ADAMTS13: variants seen among roughly 807,000 people sequenced by gnomAD.
ADAMTS13 encodes ADAM metallopeptidase with thrombospondin type 1 motif 13, also known as A disintegrin and metalloproteinase with thrombospondin motifs 13.
In ADAMTS13, 110 loss-of-function variants were observed where a neutral mutation model predicts 155.1. That is an observed-to-expected ratio of 0.71 (90% CI 0.61 to 0.83). ADAMTS13 has a LOEUF of 0.83. Ranked by LOEUF, ADAMTS13 falls within the 40% of genes least tolerant of loss-of-function variation. The probability of loss-of-function intolerance (pLI) is 0.00; values close to 1 mark genes in which losing one functional copy is unlikely to be tolerated. For synonymous variants in ADAMTS13, 758 were observed against 756.4 expected, an observed-to-expected ratio of 1.00 and a Z score of -0.03; for missense variants, 1,707 against 1,891.7, an observed-to-expected ratio of 0.90 and a Z score of 1.81.
In ADAMTS13 at chr9:133,456,551, T is replaced by A. The variant is rs782655118; in HGVS notation, c.3556T>A (p.Leu1186Met). Residue 1186 changes from leucine to methionine, a missense_variant, in exon 27 of 29, where the codon TTG (leucine) becomes ATG (methionine). Physicochemically the swap from Leu to Met is conservative, Grantham distance 15. This residue lies in a region of ADAMTS13 where 961 missense variants were observed against 1,107.9 expected (regional missense o/e 0.87). Transcript: ENST00000355699. The surrounding 1 kb of genome is among the most constrained non-coding windows in gnomAD (Gnocchi z 4.4). The part of the protein sequence containing the change: ...SSLNCSAGDM[L>M]LLWGRLTWRK... ...GCCCTGCCGCTTCCTAGGGGACATG[T>A]TGCTGCTTTGGGGCCGGCTCACCTG... is the stretch of plus-strand genomic sequence containing the variant. 7 of 1,613,416 alleles carry A rather than the reference T, an allele frequency of 4.3e-6. No individual in the cohort carries two copies. The South Asian group carries it at 7.7e-5, about 18-fold the overall frequency.
Position 133,444,335 on chromosome 9 carries a change from G to A in ADAMTS13, c.2421-528G>A, listed in dbSNP as rs1841910238. 2.0e-5 allele frequency among the ~76,000 whole-genome samples: 3 copies of A among 152,030 alleles called. No individual in the cohort carries two copies. The South Asian group carries it at 6.2e-4, about 32-fold the overall frequency. On this transcript the variant is annotated intron_variant, in intron 19 of 28. Coordinates refer to ENST00000355699, the MANE Select transcript of ADAMTS13 (RefSeq NM_139027.6). ...GGAGGTCGGCCTCTGCCTCTGGAGA[G>A]TAGGAGGGATGGGTTCTCTTTTTTT...
At position 133,454,650 on chromosome 9, in the gene ADAMTS13, G is replaced by C. The variant is rs782163987; in HGVS notation, c.3249+31G>C. 36 of 1,567,154 alleles carry C rather than the reference G, an allele frequency of 2.3e-5. No individual in the cohort carries two copies. The African/African-American group carries it at 4.2e-4, about 18-fold the overall frequency. ...CACAGCGGGCACTCGGAATCCCTATGGGGCTGGGGTGGGCATCAGCTGTGG... is the reference window on the plus strand; with the variant it reads ...CACAGCGGGCACTCGGAATCCCTATCGGGCTGGGGTGGGCATCAGCTGTGG... On this transcript the variant is annotated intron_variant, in intron 24 of 28. Coordinates refer to ENST00000355699, the MANE Select transcript of ADAMTS13 (RefSeq NM_139027.6).
Position 133,422,482 on chromosome 9 carries a change from CTGTG to C in ADAMTS13, c.42_45del (p.Cys14TrpfsTer36), listed in dbSNP as rs781957622. 6.2e-7 allele frequency: 1 copy of C among 1,614,126 alleles called. No homozygotes were observed. Among genetic ancestry groups the C allele is most frequent in the Non-Finnish European group, 8.5e-7 (1 of 1,180,022 alleles). ...ACCCCCGGGCAAGATGCCCTCCCCT[CTGTG>C]TGGCCGGAATCCTTGCCTGTGGCTT... On this transcript the variant is annotated frameshift_variant, in exon 1 of 29. Transcript: ENST00000355699. LOFTEE classifies it high-confidence loss of function.
At chr9:133,414,449 A>T in exon 1 of ADAMTS13, 2 of 698,392 alleles carry the variant, frequency 2.9e-6, no homozygotes, top group South Asian at 3.0e-5. Flanking sequence ...CACCCACTAA[A>T]TGCTGAGCTC....
chr9:133,418,383 C>T (rs777025856), upstream of ADAMTS13, among the ~76,000 whole-genome samples: 2 of 152,234 alleles, frequency 1.3e-5, no homozygotes. Context: ...GCTCCTTGCT[C>T]AGCCTCACAG....
upstream of ADAMTS13, among the ~76,000 whole-genome samples, chr9:133,421,081 C>A (rs895833562): frequency 4.6e-5 from 7 of 152,184 alleles, no homozygotes; most frequent in Non-Finnish European, 8.8e-5. Context: ...GCTTGGCCAA[C>A]ATGGCGAAAC....
intron 8 of ADAMTS13, among the ~76,000 whole-genome samples, chr9:133,431,006 C>T (rs1427837109): frequency 2.0e-5 from 3 of 152,028 alleles, no homozygotes; most frequent in Non-Finnish European, 4.4e-5. Context: ...CGTTCTGTTG[C>T]CCAGGGTGGA....
chr9:133,424,516 C>G lies in ADAMTS13; in HGVS notation c.330+38C>G, dbSNP rs1554784700. 2 of 1,589,774 alleles carry G rather than the reference C, an allele frequency of 1.3e-6. No individual in the cohort carries two copies. Among genetic ancestry groups the G allele is most frequent in the Middle Eastern group, 1.7e-4 (1 of 5,878 alleles). On this transcript the variant is annotated intron_variant, in intron 3 of 28. Coordinates refer to ENST00000355699, the MANE Select transcript of ADAMTS13 (RefSeq NM_139027.6). The surrounding 1 kb of genome is among the most constrained non-coding windows in gnomAD (Gnocchi z 4.3). ...CGCTGGACTGTGCAGGTCCCCACGG[C>G]CAGGGCTGGTGACCAATGTCTGTGG...
In ADAMTS13 at chr9:133,433,435, C is replaced by T. The variant is rs587613745; in HGVS notation, c.1150C>T (p.His384Tyr). 7 of 1,613,430 alleles carry T rather than the reference C, an allele frequency of 4.3e-6. No individual in the cohort carries two copies. The African/African-American group carries it at 6.7e-5, about 15-fold the overall frequency. ...LVELTPIAAV[H>Y]GRWSSWGPRS... Reference sequence around the variant, plus strand: ...GGAGCTGACCCCCATAGCAGCAGTGCATGGGCGCTGGTCTAGCTGGGGTCC... The same window carrying T: ...GGAGCTGACCCCCATAGCAGCAGTGTATGGGCGCTGGTCTAGCTGGGGTCC... The change falls in exon 10 of 29, where the codon CAT (histidine) becomes TAT (tyrosine). Residue 384 changes from histidine to tyrosine, a missense_variant. By Grantham distance (83) the His-to-Tyr change is moderately conservative. Around this residue, in one of 3 missense-constraint regions of ADAMTS13, gnomAD observed 733 missense variants for 749.6 expected, o/e 0.98. Coordinates refer to ENST00000355699, the MANE Select transcript of ADAMTS13 (RefSeq NM_139027.6).
intron 22 of ADAMTS13, 124 bp from the exon 23 acceptor site, chr9:133,449,659 A>C: frequency 2.7e-6 from 3 of 1,118,700 alleles, no homozygotes; most frequent in Admixed American, 4.0e-5. Flanking sequence ...CAGAAAGAGA[A>C]CCTCTCCGGG....
rs987656538 is a variant in ADAMTS13, at chr9:133,454,465, C to T, written c.3095C>T (p.Thr1032Ile). ...GPCSASCGLG[T>I]ARRSVACVQL... Reference sequence around the variant, plus strand: ...TGTTCGGCCAGCTGTGGCCTTGGCACTGCTAGACGCTCGGTGGCCTGTGTG... The same window carrying T: ...TGTTCGGCCAGCTGTGGCCTTGGCATTGCTAGACGCTCGGTGGCCTGTGTG... Residue 1032 changes from threonine (T) to isoleucine (I), a missense_variant, in exon 24 of 29, where the codon ACT (threonine) becomes ATT (isoleucine). This residue lies in a region of ADAMTS13 where 961 missense variants were observed against 1,107.9 expected (regional missense o/e 0.87). Coordinates refer to ENST00000355699, the MANE Select transcript of ADAMTS13 (RefSeq NM_139027.6). 7.4e-6 allele frequency: 12 copies of T among 1,613,526 alleles called. No homozygotes were observed. Among genetic ancestry groups the T allele is most frequent in the Non-Finnish European group, 1.0e-5 (12 of 1,180,042 alleles).
At position 133,443,360 on chromosome 9, in the gene ADAMTS13, C is replaced by A; in HGVS notation, c.2235-16C>A. On this transcript the variant is annotated splice_polypyrimidine_tract_variant and intron_variant, in intron 18 of 28. Coordinates refer to ENST00000355699, the MANE Select transcript of ADAMTS13 (RefSeq NM_139027.6). ...GGGACCTGGCCAGGGTCCCGACGCTCTGTCTCCTTCCTCAGCTGGGCGGTG... is the reference window on the plus strand; with the variant it reads ...GGGACCTGGCCAGGGTCCCGACGCTATGTCTCCTTCCTCAGCTGGGCGGTG... 1.3e-6 allele frequency: 2 copies of A among 1,589,218 alleles called. No homozygotes were observed. Among genetic ancestry groups the A allele is most frequent in the East Asian group, 2.3e-5 (1 of 44,262 alleles).
At chr9:133,448,993 A>C (rs943108285) in intron 22 of ADAMTS13, among the ~76,000 whole-genome samples, 3 of 152,178 alleles carry the variant, frequency 2.0e-5, no homozygotes, top group Non-Finnish European at 4.4e-5. Flanking sequence ...CTAGGTCTGC[A>C]TCCTGGCTCT....
At chr9:133,433,780 G>C in intron 11 of ADAMTS13, 76 bp downstream of exon 11, 1 of 1,539,400 alleles carries the variant, frequency 6.5e-7, no homozygotes, top group Non-Finnish European at 8.9e-7. Context: ...ACCATCTGTG[G>C]TTCACACCAG....
At position 133,445,966 on chromosome 9, in the gene ADAMTS13, A is replaced by C; in HGVS notation, c.2731+147A>C. ...ACACGTGGTAATACACAAGGAGACTAAGCATAGTAGCTGACAGCCACTTCA... is the reference window on the plus strand; with the variant it reads ...ACACGTGGTAATACACAAGGAGACTCAGCATAGTAGCTGACAGCCACTTCA... On this transcript the variant is annotated intron_variant, in intron 21 of 28. Coordinates refer to ENST00000355699, the MANE Select transcript of ADAMTS13 (RefSeq NM_139027.6). The surrounding 1 kb of genome is among the most constrained non-coding windows in gnomAD (Gnocchi z 5.0). The C allele has an allele frequency of 8.3e-7, 1 of 1,210,936 alleles. No homozygotes were observed. Among genetic ancestry groups the C allele is most frequent in the Non-Finnish European group, 1.1e-6 (1 of 901,830 alleles). The allele number at this position is 1,210,936 out of a possible 1,614,324, so 75.0% of individuals were successfully genotyped here.
intron 21 of ADAMTS13, among the ~76,000 whole-genome samples, chr9:133,447,118 G>A (rs998659824): frequency 2.0e-5 from 3 of 152,126 alleles, no homozygotes; most frequent in South Asian, 2.1e-4. Flanking sequence ...GCCTCCCAAC[G>A]TGCTGGGATT....
In ADAMTS13 at chr9:133,445,318, T is replaced by C. The variant is rs1379236677; in HGVS notation, c.2610+266T>C. On this transcript the variant is annotated intron_variant, in intron 20 of 28. Coordinates refer to ENST00000355699, the MANE Select transcript of ADAMTS13 (RefSeq NM_139027.6). The surrounding 1 kb of genome is among the most constrained non-coding windows in gnomAD (Gnocchi z 5.0). The stretch of plus-strand genomic sequence containing the variant: ...ATGCAGCTGCTGTGCAGAGAAATGC[T>C]GCCAGGCTCCCGCCTGGCGTCCAGG... Among the ~76,000 whole-genome samples the C allele has an allele frequency of 4.6e-5, 7 of 152,218 alleles. No individual in the cohort carries two copies. The highest frequency in any genetic ancestry group is 1.0e-4 in the Non-Finnish European group (7 of 68,022).
At position 133,456,116 on chromosome 9, in the gene ADAMTS13, C is replaced by T. The variant is rs782818582; in HGVS notation, c.3448C>T (p.Arg1150Ter). Residue 1150 changes from arginine (R) to a stop codon, truncating the protein, a stop_gained, in exon 26 of 29, where the codon CGA becomes TGA. Coordinates refer to ENST00000355699, the MANE Select transcript of ADAMTS13 (RefSeq NM_139027.6). LOFTEE classifies it high-confidence loss of function. This position sits in a 1 kb window ranked among gnomAD's most constrained non-coding sequence, Gnocchi z 4.4. Reference protein sequence around the residue: ...HLEPTGTIDMRGPGQADCAVA... With the variant: ...HLEPTGTIDM ...TGAGCCAACAGGAACCATTGACATG[C>T]GAGGCCCAGGGCAGGCAGACTGTGC... The T allele has an allele frequency of 8.1e-6, 13 of 1,613,236 alleles. No homozygotes were observed. Among genetic ancestry groups the T allele is most frequent in the Admixed American group, 3.3e-5 (2 of 60,008 alleles).
At chr9:133,427,003 A>G (rs914332269) in intron 6 of ADAMTS13, among the ~76,000 whole-genome samples, 4 of 152,098 alleles carry the variant, frequency 2.6e-5, no homozygotes, top group Admixed American at 6.6e-5. Context: ...GGGTTTCTCC[A>G]TGTTGGTCAG....
Sources: allele counts gnomAD v4.1 joint callset (sites outside exome capture counted in the v4.1 genomes callset), GRCh38; gene constraint gnomAD v4.1.1; regional missense constraint gnomAD v4.1.1; non-coding constraint Gnocchi (gnomAD v3.1); transcripts MANE v1.5; gene names NCBI Gene and HGNC (gene_info 2026-07-23, HGNC 2026-07-21).